The following UNC80 variants were observed in gnomAD, a reference collection of about 807,000 sequenced individuals.
The protein encoded by UNC80 is unc-80 subunit of NALCN channel complex, also known as protein unc-80 homolog.
UNC80 carries 164 observed loss-of-function variants against 384.6 expected under a neutral mutation model. That is an observed-to-expected ratio of 0.43 (90% CI 0.38 to 0.49). UNC80 has a LOEUF of 0.49. UNC80 is among the 20% of genes least tolerant of loss of function. UNC80 has a pLI of 0.00. For missense variants in UNC80, 3,330 were observed against 4,143.0 expected (o/e 0.80, Z 5.39); for synonymous variants, 1,486 against 1,527.8 (o/e 0.97, Z 0.64).
chr2:209,850,672 T>C (rs1454352676), intron 22 of UNC80, among the ~76,000 whole-genome samples: 2 of 152,184 alleles, frequency 1.3e-5, no homozygotes, highest in Non-Finnish European at 2.9e-5. Context: ...ATAAGATTTT[T>C]TTCAGTCAGT....
chr2:209,964,012 A>G (rs2092673058), intron 51 of UNC80, among the ~76,000 whole-genome samples: 1 of 152,212 alleles, frequency 6.6e-6, no homozygotes, highest in South Asian at 2.1e-4. Flanking sequence ...CAATTGTAGA[A>G]CAATCTAAAT....
chr2:209,985,025 TTTCCATTC>T, intron 61 of UNC80, 113 bp downstream of exon 61: 3 of 881,872 alleles, frequency 3.4e-6, no homozygotes, highest in Non-Finnish European at 5.0e-6. Flanking sequence ...TTAATATCTA[TTTCCATTC>T]CTTGCCCTTT....
At chr2:209,946,249 G>A (rs1426809691) in intron 47 of UNC80, among the ~76,000 whole-genome samples, 2 of 151,814 alleles carry the variant, frequency 1.3e-5, no homozygotes, top group African/African-American at 2.4e-5. Flanking sequence ...CACACCTGTA[G>A]TCCCAACTTT....
intron 7 of UNC80, among the ~76,000 whole-genome samples, chr2:209,798,872 GAC>G (rs1287942599): frequency 2.8e-5 from 4 of 141,948 alleles, no homozygotes; most frequent in Non-Finnish European, 6.1e-5. Context: ...TCTTAGTAGA[GAC>G]AGGGTTTCAC....
chr2:209,829,279 C>A lies in UNC80; in HGVS notation c.2526C>A (p.Phe842Leu). 3 of 1,551,432 alleles carry A rather than the reference C, an allele frequency of 1.9e-6. No individual in the cohort carries two copies. Among genetic ancestry groups the A allele is most frequent in the Non-Finnish European group, 2.6e-6 (3 of 1,146,804 alleles). ...TATACAAGCTAGATAAGATGCAGTTCCGACAAACCATGAGGGACTATGTGA... is the reference window on the plus strand; with the variant it reads ...TATACAAGCTAGATAAGATGCAGTTACGACAAACCATGAGGGACTATGTGA... ...TKLYKLDKMQ[F>L]RQTMRDYVNK... The change falls in exon 15 of 65, where the codon TTC becomes TTA. Residue 842 changes from phenylalanine (F) to leucine (L), a missense_variant. Transcript: ENST00000673920.
At chr2:209,954,849 G>A (rs945173705) in intron 48 of UNC80, among the ~76,000 whole-genome samples, 19 of 152,122 alleles carry the variant, frequency 1.2e-4, no homozygotes, top group Admixed American at 4.6e-4. Context: ...ATTTGGGAAT[G>A]GTAAGGTAAA....
At chr2:209,969,616 C>T (rs1285892510) in intron 52 of UNC80, 152 bp from the exon 53 acceptor site, 2 of 1,037,186 alleles carry the variant, frequency 1.9e-6, no homozygotes, top group Non-Finnish European at 2.7e-6. Context: ...CTTCCCCTCC[C>T]AGTATGCTCT....
At chr2:209,883,507 T>G (rs2085486014) in intron 25 of UNC80, among the ~76,000 whole-genome samples, 1 of 146,178 alleles carries the variant, frequency 6.8e-6, no homozygotes, top group African/African-American at 2.5e-5. Context: ...CTCGGCTCAC[T>G]GCAAGCTCTG....
chr2:209,875,657 C>G (rs1441606110), intron 23 of UNC80, among the ~76,000 whole-genome samples: 1 of 152,172 alleles, frequency 6.6e-6, no homozygotes, highest in Non-Finnish European at 1.5e-5. Flanking sequence ...ATTATTTCCT[C>G]TCACAAAATT....
In UNC80 at chr2:209,831,436, A is replaced by G; in HGVS notation, c.2627-7A>G. ...CATTGTCTTTAATTTGTGCCTTTGCATTCCAGACAAGGCTGGGTTTGGAAA... is the reference window on the plus strand; with the variant it reads ...CATTGTCTTTAATTTGTGCCTTTGCGTTCCAGACAAGGCTGGGTTTGGAAA... On this transcript the variant is annotated splice_region_variant and splice_polypyrimidine_tract_variant and intron_variant, in intron 15 of 64. Transcript: ENST00000673920. 1 of 1,545,576 alleles carries G rather than the reference A, an allele frequency of 6.5e-7. No homozygotes were observed. The highest frequency in any genetic ancestry group is 8.7e-7 in the Non-Finnish European group (1 of 1,144,328).
chr2:209,819,297 A>C, intron 12 of UNC80, 36 bp downstream of exon 12: 1 of 1,515,954 alleles, frequency 6.6e-7, no homozygotes, highest in Non-Finnish European at 8.9e-7. Context: ...AAAGTTAGAC[A>C]GATATTAATT....
intron 22 of UNC80, among the ~76,000 whole-genome samples, chr2:209,869,414 GCA>G (rs1291391242): frequency 1.3e-5 from 2 of 152,094 alleles, no homozygotes; most frequent in Non-Finnish European, 2.9e-5. Flanking sequence ...GAATGCTGTT[GCA>G]CACACATTGC....
chr2:209,820,477 G>T lies in UNC80; in HGVS notation c.2129G>T (p.Arg710Met). The T allele has an allele frequency of 1.9e-6, 3 of 1,551,674 alleles. No homozygotes were observed. The highest frequency in any genetic ancestry group is 2.6e-6 in the Non-Finnish European group (3 of 1,146,992). Residue 710 changes from arginine to methionine, a missense_variant, in exon 13 of 65, where the codon AGG becomes ATG. By Grantham distance (91) the Arg-to-Met change is moderately conservative. This residue lies in a region of UNC80 where 937 missense variants were observed against 1,026.8 expected (regional missense o/e 0.91). Coordinates refer to ENST00000673920, the MANE Select transcript of UNC80 (RefSeq NM_001371986.1). ...ENKENETLEK[R>M]PSEGAFQFKG... ...AAGGAAAATGAGACCTTGGAAAAGA[G>T]GCCAAGTGAGGGAGCTTTCCAATTC...
intron 4 of UNC80, among the ~76,000 whole-genome samples, chr2:209,783,342 C>G (rs994863015): frequency 7.9e-5 from 12 of 151,970 alleles, no homozygotes; most frequent in African/African-American, 2.9e-4. Context: ...AAAAGAAACT[C>G]TGGAAGAGAC....
In UNC80 at chr2:209,817,667, G is replaced by A. The variant is rs1031379456; in HGVS notation, c.1553-145G>A. The A allele has an allele frequency of 1.9e-4, 187 of 978,478 alleles. 1 individual carries two copies. The highest frequency in any genetic ancestry group is 2.4e-4 in the Non-Finnish European group (161 of 666,790). 60.6% of individuals were successfully genotyped at this position (978,478 alleles called of 1,614,324 possible). A position where few individuals can be genotyped will look rare whatever the true frequency, so the allele number is the denominator to read the frequency against. ...CTGACCCTGAATATCCCCATGGCAA[G>A]TTCAGTTCTTGCTTTTTTTGTCTGT... On this transcript the variant is annotated intron_variant, in intron 10 of 64. Transcript: ENST00000673920.
chr2:209,833,117 C>T (rs965709785), intron 16 of UNC80, among the ~76,000 whole-genome samples: 1 of 152,114 alleles, frequency 6.6e-6, no homozygotes, highest in Non-Finnish European at 1.5e-5. Flanking sequence ...GAACCCAAAG[C>T]GTTCTCCATC....
Position 209,820,695 on chromosome 2 carries a change from C to T in UNC80, c.2331+16C>T. 1 of 1,503,772 alleles carries T rather than the reference C, an allele frequency of 6.6e-7. No homozygotes were observed. Among genetic ancestry groups the T allele is most frequent in the Non-Finnish European group, 8.9e-7 (1 of 1,126,886 alleles). 93.2% of individuals were successfully genotyped at this position (1,503,772 alleles called of 1,614,324 possible). On this transcript the variant is annotated intron_variant, in intron 13 of 64. Coordinates refer to ENST00000673920, the MANE Select transcript of UNC80 (RefSeq NM_001371986.1). ...CCAAGAGAAGGTATGACTGAACCAC[C>T]TTATGTGTCCTCATGAAATGTCATA... is the stretch of plus-strand genomic sequence containing the variant.
chr2:209,964,851 C>T (rs1398062972), intron 51 of UNC80, among the ~76,000 whole-genome samples: 2 of 149,592 alleles, frequency 1.3e-5, no homozygotes, highest in Non-Finnish European at 3.0e-5. Context: ...GACTTAAGGA[C>T]ATATCAACAA....
intron 30 of UNC80, among the ~76,000 whole-genome samples, chr2:209,913,376 G>A (rs965772520): frequency 4.6e-5 from 7 of 152,136 alleles, no homozygotes; most frequent in African/African-American, 1.7e-4. Context: ...GAAATGCCAT[G>A]CATGTTCACA....
Sources: allele counts gnomAD v4.1 joint callset (sites outside exome capture counted in the v4.1 genomes callset), GRCh38; gene constraint gnomAD v4.1.1; regional missense constraint gnomAD v4.1.1; transcripts MANE v1.5; gene names NCBI Gene and HGNC (gene_info 2026-07-23, HGNC 2026-07-21).